Variants in WWOX observed in about 807,000 individuals in gnomAD.
WWOX encodes the protein WW domain containing oxidoreductase, also known as WW domain-containing oxidoreductase.
WWOX carries 69 observed loss-of-function variants against 46.2 expected under a neutral mutation model. That is an observed-to-expected ratio of 1.49 (90% CI 1.23 to 1.82). WWOX has a LOEUF of 1.82. Ranked by LOEUF, WWOX falls within the 40% of genes most tolerant of loss-of-function variation. The pLI is 0.00. For synonymous variants in WWOX, 359 were observed against 202.6 expected, an observed-to-expected ratio of 1.77 and a Z score of -6.56; for missense variants, 919 against 542.6, an observed-to-expected ratio of 1.69 and a Z score of -6.89.
chr16:78,687,023 A>G (rs529775928), intron 8 of WWOX, among the ~76,000 whole-genome samples: 3 of 152,318 alleles, frequency 2.0e-5, no homozygotes, highest in African/African-American at 4.8e-5. Flanking sequence ...TTGGCACATC[A>G]TGGCCAACAA....
chr16:78,311,570 A>G (rs2080244645), intron 5 of WWOX, among the ~76,000 whole-genome samples: 1 of 152,206 alleles, frequency 6.6e-6, no homozygotes, highest in Non-Finnish European at 1.5e-5. Flanking sequence ...GTGAGCAAGC[A>G]ATGTGACCTT....
chr16:78,256,976 A>T (rs2038149056), intron 5 of WWOX, among the ~76,000 whole-genome samples: 1 of 152,102 alleles, frequency 6.6e-6, no homozygotes, highest in Non-Finnish European at 1.5e-5. Context: ...CATTTGCTTC[A>T]GGTGAGGCCA....
At chr16:78,729,016 C>T (rs1286254926) in intron 8 of WWOX, among the ~76,000 whole-genome samples, 1 of 152,054 alleles carries the variant, frequency 6.6e-6, no homozygotes, top group African/African-American at 2.4e-5. Context: ...AGGGTCATCC[C>T]CCTAAAGATA....
intron 8 of WWOX, chr16:79,202,512 C>G (rs149687080): frequency 2.0e-5 from 3 of 152,262 alleles, no homozygotes; most frequent in African/African-American, 7.2e-5. Context: ...AGTCCTTCCA[C>G]TGTTGTTCCC....
intron 8 of WWOX, among the ~76,000 whole-genome samples, chr16:79,051,869 G>C (rs1212933626): frequency 2.0e-5 from 3 of 152,178 alleles, no homozygotes; most frequent in African/African-American, 2.4e-5. Context: ...CCACAGTTTA[G>C]CCTAAATATT....
At chr16:78,910,008 G>C (rs1424083760) in intron 8 of WWOX, among the ~76,000 whole-genome samples, 1 of 152,182 alleles carries the variant, frequency 6.6e-6, no homozygotes, top group Non-Finnish European at 1.5e-5. Context: ...TCAAATTTTT[G>C]CAAAGTATAA....
chr16:78,977,861 C>CT (rs1213683909), intron 8 of WWOX, among the ~76,000 whole-genome samples: 1 of 152,174 alleles, frequency 6.6e-6, no homozygotes, highest in African/African-American at 2.4e-5. Context: ...TTCAAGGACG[C>CT]TTTTTGTTTT....
chr16:78,158,987 T>A (rs754437357), intron 4 of WWOX, among the ~76,000 whole-genome samples: 5 of 152,184 alleles, frequency 3.3e-5, no homozygotes, highest in Non-Finnish European at 5.9e-5. Flanking sequence ...CTCTATGAGT[T>A]TGAGTGTCTT....
rs11860938 is a variant in WWOX at position 78,793,049 on chromosome 16, C to T, written c.1056+360297C>T. On this transcript the variant is annotated intron_variant, in intron 8 of 8. Transcript: ENST00000566780. Reference sequence around the variant, plus strand: ...CCCCCGCTGCCCCCTTTCTTTCTTTCATCTTATCTATATATCTGTATCTAT... The same window carrying T: ...CCCCCGCTGCCCCCTTTCTTTCTTTTATCTTATCTATATATCTGTATCTAT... Among the ~76,000 whole-genome samples the T allele has an allele frequency of 9.6e-3, 1,465 of 152,254 alleles. 23 individuals are homozygous for T. The highest frequency in any genetic ancestry group is 0.034 in the African/African-American group (1,392 of 41,534).
chr16:78,424,411 C>T (rs556098853), intron 6 of WWOX, among the ~76,000 whole-genome samples: 25 of 152,128 alleles, frequency 1.6e-4, no homozygotes, highest in African/African-American at 2.2e-4. Context: ...TGAGCCCCCG[C>T]GCCTGGCCCT....
chr16:78,510,064 A>AGTCTGTCTGTCT (rs59985442), intron 8 of WWOX, among the ~76,000 whole-genome samples: 2 of 150,268 alleles, frequency 1.3e-5, no homozygotes, highest in Non-Finnish European at 3.0e-5. Context: ...CCTGTCTCCA[A>AGTCTGTCTGTCT]GTCTGTCTGT....
At chr16:78,901,888 C>T (rs752332001) in intron 8 of WWOX, among the ~76,000 whole-genome samples, 10 of 152,212 alleles carry the variant, frequency 6.6e-5, no homozygotes, top group Admixed American at 6.5e-4. Flanking sequence ...TCCTACAAAT[C>T]TGAGTGTACA....
At chr16:79,090,303 G>A (rs2048933355) in intron 8 of WWOX, among the ~76,000 whole-genome samples, 1 of 151,528 alleles carries the variant, frequency 6.6e-6, no homozygotes, top group African/African-American at 2.4e-5. Flanking sequence ...GTGTGTGTGT[G>A]TGTGTGTGTG....
Position 79,024,849 on chromosome 16 carries a change from C to T in WWOX, c.1057-186759C>T, listed in dbSNP as rs528436307. On this transcript the variant is annotated intron_variant, in intron 8 of 8. Transcript: ENST00000566780. The stretch of plus-strand genomic sequence containing the variant: ...CCTCAGAAAGTGCTGGGATTACAGG[C>T]GTGAGCCACCACACCTGGCCGCTGG... 3.0e-4 allele frequency among the ~76,000 whole-genome samples: 46 copies of T among 152,284 alleles called. 1 individual carries two copies. Among genetic ancestry groups the T allele is most frequent in the African/African-American group, 1.1e-3 (44 of 41,562 alleles).
At chr16:78,843,373 T>C (rs992251546) in intron 8 of WWOX, among the ~76,000 whole-genome samples, 3 of 150,174 alleles carry the variant, frequency 2.0e-5, no homozygotes, top group Middle Eastern at 3.2e-3. Flanking sequence ...ACGATTATTG[T>C]GGTGCCTGTT....
intron 8 of WWOX, chr16:79,110,682 G>A (rs1407557417): frequency 1.3e-5 from 2 of 152,110 alleles, no homozygotes; most frequent in African/African-American, 4.8e-5. Flanking sequence ...TTCTCTTGTA[G>A]TCAGGGAAAT....
chr16:78,452,163 G>T (rs1395921229), intron 8 of WWOX, among the ~76,000 whole-genome samples: 3 of 152,084 alleles, frequency 2.0e-5, no homozygotes, highest in African/African-American at 7.2e-5. Context: ...TTAATACCAG[G>T]CCAAAAGTAA....
intron 8 of WWOX, among the ~76,000 whole-genome samples, chr16:78,559,746 C>G (rs1052548263): frequency 1.2e-4 from 19 of 152,318 alleles, no homozygotes; most frequent in Middle Eastern, 6.8e-3. Context: ...AAAGTTCTAA[C>G]TAATGACTTT....
chr16:78,136,692 A>G (rs2033801877), intron 4 of WWOX, among the ~76,000 whole-genome samples: 1 of 152,250 alleles, frequency 6.6e-6, no homozygotes, highest in Non-Finnish European at 1.5e-5. Context: ...GGGTTTTAAG[A>G]GGTCTATCAA....
Sources: gnomAD v4.1 joint callset for allele counts (sites outside exome capture counted in the v4.1 genomes callset) on GRCh38, gnomAD v4.1.1 for gene constraint, MANE v1.5 for transcripts, NCBI Gene and HGNC (gene_info 2026-07-23, HGNC 2026-07-21) for gene names.